Variants in TTC39B observed in about 807,000 individuals in gnomAD.
TTC39B encodes tetratricopeptide repeat domain 39B.
TTC39B carries 92 observed loss-of-function variants against 96.6 expected under a neutral mutation model. The ratio of observed to expected loss-of-function variants is 0.95; its 90% CI spans 0.80 to 1.13. TTC39B has a LOEUF of 1.13. TTC39B is among the 50% of genes most tolerant of loss of function. The pLI, the probability that TTC39B is intolerant of heterozygous loss-of-function variation, is 0.00. For synonymous variants in TTC39B, 367 were observed against 299.4 expected (o/e 1.23, Z -2.33); for missense variants, 955 against 809.3 (o/e 1.18, Z -2.18).
chr9:15,203,711 T>G (rs1488627192), intron 7 of TTC39B, 112 bp downstream of exon 7: 2 of 824,296 alleles, frequency 2.4e-6, no homozygotes, highest in Non-Finnish European at 3.7e-6. Flanking sequence ...TATTTGCCAT[T>G]ACAACTCTAA....
intron 7 of TTC39B, among the ~76,000 whole-genome samples, chr9:15,202,782 C>G (rs1162619995): frequency 2.6e-5 from 4 of 151,756 alleles, no homozygotes; most frequent in Admixed American, 2.0e-4. Context: ...CATTTCACAG[C>G]TGAATTTCTT....
chr9:15,235,811 G>A (rs1821751744), intron 2 of TTC39B, among the ~76,000 whole-genome samples: 1 of 152,132 alleles, frequency 6.6e-6, no homozygotes, highest in East Asian at 1.9e-4. Flanking sequence ...AATGCTGAAG[G>A]GAATTCTAAA....
intron 1 of TTC39B, among the ~76,000 whole-genome samples, chr9:15,272,100 C>G (rs1214411870): frequency 6.6e-6 from 1 of 152,160 alleles, no homozygotes; most frequent in African/African-American, 2.4e-5. Flanking sequence ...CTGTCTTGGT[C>G]CCCACACTCA....
chr9:15,272,577 G>A (rs570382135), intron 1 of TTC39B, among the ~76,000 whole-genome samples: 17 of 152,080 alleles, frequency 1.1e-4, no homozygotes, highest in Non-Finnish European at 2.1e-4. Context: ...ACTACTGTAG[G>A]GCCTGGTGTA....
chr9:15,247,988 G>A (rs1822359654), intron 2 of TTC39B, among the ~76,000 whole-genome samples: 1 of 152,204 alleles, frequency 6.6e-6, no homozygotes, highest in Non-Finnish European at 1.5e-5. Flanking sequence ...CTAGGCAACT[G>A]AGTTAGTCTT....
chr9:15,182,319 A>C, exon 17 of TTC39B: 1 of 1,610,156 alleles, frequency 6.2e-7, no homozygotes, highest in African/African-American at 1.3e-5. Context: ...TGACTTTGTA[A>C]AGCTGCCTCA....
intron 7 of TTC39B, among the ~76,000 whole-genome samples, chr9:15,203,282 G>C (rs965178734): frequency 6.6e-6 from 1 of 152,086 alleles, no homozygotes; most frequent in Non-Finnish European, 1.5e-5. Context: ...ACAAAGTCTT[G>C]CTCTGTCACC....
chr9:15,252,866 A>G (rs1479220211), intron 2 of TTC39B, among the ~76,000 whole-genome samples: 1 of 152,220 alleles, frequency 6.6e-6, no homozygotes, highest in Non-Finnish European at 1.5e-5. Context: ...AAAACTGTCT[A>G]TTAAAAAATC....
At chr9:15,299,583 A>T (rs1024524171) in intron 1 of TTC39B, among the ~76,000 whole-genome samples, 6 of 152,104 alleles carry the variant, frequency 3.9e-5, no homozygotes, top group Non-Finnish European at 8.8e-5. Flanking sequence ...GGCTCAAAAA[A>T]GGAAAATCTC....
chr9:15,183,947 C>T (rs1564318090), intron 16 of TTC39B, among the ~76,000 whole-genome samples: 2 of 152,130 alleles, frequency 1.3e-5, no homozygotes, highest in Non-Finnish European at 2.9e-5. Context: ...AACACCTGGA[C>T]CTAGGTGCTA....
At chr9:15,215,900 A>G (rs1008872501) in intron 3 of TTC39B, among the ~76,000 whole-genome samples, 2 of 152,194 alleles carry the variant, frequency 1.3e-5, no homozygotes, top group African/African-American at 2.4e-5. Context: ...ATGAAATAAA[A>G]ATAAATAAAC....
At chr9:15,230,986 G>GA (rs36097997) in intron 2 of TTC39B, among the ~76,000 whole-genome samples, 73 of 141,392 alleles carry the variant, frequency 5.2e-4, no homozygotes, top group South Asian at 6.7e-4. Flanking sequence ...CTCCATCTCA[G>GA]AAAAAAAAAA....
In TTC39B at chr9:15,171,851, A is replaced by G. The variant is rs527339828; in HGVS notation, c.*168T>C. ...TATAGAATGCCATTCCATAGGAAAA[A>G]AAATTATGTAGACCAACAGTAAATC... On this transcript the variant is annotated 3_prime_UTR_variant, in exon 20 of 20. Coordinates refer to ENST00000512701, the Ensembl canonical transcript of TTC39B. 19 of 438,346 alleles carry G rather than the reference A, an allele frequency of 4.3e-5. 1 individual carries two copies. The Admixed American group carries it at 6.5e-4, about 15-fold the overall frequency. 27.2% of individuals were successfully genotyped at this position (438,346 alleles called of 1,614,324 possible).
chr9:15,234,306 G>GT (rs1821644191), intron 2 of TTC39B, among the ~76,000 whole-genome samples: 1 of 143,052 alleles, frequency 7.0e-6, no homozygotes, highest in Non-Finnish European at 1.6e-5. Context: ...CGGGAGGGAA[G>GT]TCGGGGGGTC....
At chr9:15,292,372 G>A (rs746361427) in intron 1 of TTC39B, among the ~76,000 whole-genome samples, 1 of 152,010 alleles carries the variant, frequency 6.6e-6, no homozygotes, top group African/African-American at 2.4e-5. Context: ...TGGTGATGCC[G>A]GTATAAACAA....
At chr9:15,234,478 G>T (rs79578754) in intron 2 of TTC39B, among the ~76,000 whole-genome samples, 62 of 123,012 alleles carry the variant, frequency 5.0e-4, no homozygotes, top group East Asian at 4.0e-3. Flanking sequence ...GGCCGCCCCT[G>T]CTGGGAAGTG....
intron 7 of TTC39B, 44 bp from the exon 8 acceptor site, chr9:15,199,969 T>A (rs755928554): frequency 1.7e-5 from 20 of 1,146,890 alleles, no homozygotes; most frequent in Non-Finnish European, 2.3e-5. Flanking sequence ...TAGCAAAAAA[T>A]TTTAAATTGT....
intron 2 of TTC39B, among the ~76,000 whole-genome samples, chr9:15,258,864 G>C (rs10961942): frequency 6.6e-6 from 1 of 152,022 alleles, no homozygotes; most frequent in Non-Finnish European, 1.5e-5. Context: ...TCCTTCAAGT[G>C]ATGAAATCTT....
chr9:15,258,090 G>T (rs919599400), intron 2 of TTC39B, among the ~76,000 whole-genome samples: 1 of 152,026 alleles, frequency 6.6e-6, no homozygotes, highest in African/African-American at 2.4e-5. Flanking sequence ...AACTTGGGCT[G>T]CTGTATGGAG....
Sources: allele counts gnomAD v4.1 joint callset (sites outside exome capture counted in the v4.1 genomes callset), GRCh38; gene constraint gnomAD v4.1.1; transcripts MANE v1.5; gene names NCBI Gene and HGNC (gene_info 2026-07-23, HGNC 2026-07-21).